The following ST6GAL2 variants were observed in gnomAD, a reference collection of about 807,000 sequenced individuals.
ST6GAL2 encodes the protein beta-galactoside alpha-2,6-sialyltransferase 2.
Under a neutral mutation model 37.5 loss-of-function variants are expected in ST6GAL2, and 24 were observed. That is an observed-to-expected ratio of 0.64 (90% CI 0.46 to 0.90). The LOEUF (loss-of-function observed/expected upper bound fraction) is 0.90. Ranked by LOEUF, ST6GAL2 falls within the 40% of genes least tolerant of loss-of-function variation. ST6GAL2 has a pLI of 0.00. For missense variants in ST6GAL2, 715 were observed against 712.7 expected (o/e 1.00, Z -0.04); for synonymous variants, 306 against 295.1 (o/e 1.04, Z -0.38).
chr2:106,863,888 G>A (rs1677912174), intron 1 of ST6GAL2, among the ~76,000 whole-genome samples: 1 of 152,172 alleles, frequency 6.6e-6, no homozygotes, highest in South Asian at 2.1e-4. Flanking sequence ...TATTATTTCT[G>A]GAAGTGTGGT....
rs188732112 is a variant in ST6GAL2, at chr2:106,826,361, G to A, written c.1318+3705C>T. Reference sequence around the variant, plus strand: ...TGGCACTTCACATGTTGAAAGCAGGGGCAAGAGACAGAGTGGGCGGGAGGT... The same window carrying A: ...TGGCACTTCACATGTTGAAAGCAGGAGCAAGAGACAGAGTGGGCGGGAGGT... On this transcript the variant is annotated intron_variant, in intron 5 of 5. Coordinates refer to ENST00000409382, the MANE Select transcript of ST6GAL2 (RefSeq NM_001142351.2). 4.9e-3 allele frequency among the ~76,000 whole-genome samples: 738 copies of A among 152,068 alleles called. 9 individuals carry two copies. Among genetic ancestry groups the A allele is most frequent in the African/African-American group, 0.016 (656 of 41,488 alleles).
Position 106,843,816 on chromosome 2 carries a change from C to A in ST6GAL2, c.162G>T (p.Val54=), listed in dbSNP as rs1281118794. Residue 54 remains valine (V), a synonymous_variant, in exon 2 of 6, where the codon GTG becomes GTT. Transcript: ENST00000409382. ...CCATGATGGCCCGCTGCTTCCCCTG[C>A]ACCGGCAGGAGCCTCCTGGTCTCCA... The part of the protein sequence containing the change: ...SFLETRRLLP[V]QGKQRAIMGA... 1.2e-6 allele frequency: 2 copies of A among 1,611,828 alleles called. No homozygotes were observed. Among genetic ancestry groups the A allele is most frequent in the Admixed American group, 1.7e-5 (1 of 59,948 alleles).
chr2:106,855,342 G>A (rs191497887), intron 1 of ST6GAL2, among the ~76,000 whole-genome samples: 6 of 152,190 alleles, frequency 3.9e-5, no homozygotes, highest in Non-Finnish European at 7.3e-5. Context: ...GGTGTTTTAC[G>A]TGGTAAGAGC....
intron 1 of ST6GAL2, among the ~76,000 whole-genome samples, chr2:106,875,508 CT>C (rs1236847436): frequency 6.6e-6 from 1 of 152,130 alleles, no homozygotes; most frequent in Non-Finnish European, 1.5e-5. Flanking sequence ...TTCCTTTGAA[CT>C]TTAGTTTTTG....
intron 2 of ST6GAL2, 93 bp downstream of exon 2, chr2:106,842,942 C>G: frequency 2.1e-6 from 2 of 956,420 alleles, no homozygotes; most frequent in Non-Finnish European, 2.8e-6. Context: ...CAGCTTGCCC[C>G]GTCAGAGATC....
chr2:106,883,020 C>CAACTG (rs1678816055), intron 1 of ST6GAL2, among the ~76,000 whole-genome samples: 1 of 152,220 alleles, frequency 6.6e-6, no homozygotes, highest in South Asian at 2.1e-4. Context: ...ATAATAGTCA[C>CAACTG]AACTGCTGGG....
chr2:106,845,859 C>T (rs926828777), intron 1 of ST6GAL2, among the ~76,000 whole-genome samples: 11 of 152,146 alleles, frequency 7.2e-5, no homozygotes, highest in Non-Finnish European at 1.6e-4. Flanking sequence ...GATACTATGC[C>T]AGTTACCAGG....
intron 1 of ST6GAL2, among the ~76,000 whole-genome samples, chr2:106,884,603 G>A (rs1678883413): frequency 6.6e-6 from 1 of 152,090 alleles, no homozygotes; most frequent in Non-Finnish European, 1.5e-5. Context: ...AAGCAAAAAT[G>A]TAAGATGCTA....
intron 5 of ST6GAL2, among the ~76,000 whole-genome samples, chr2:106,807,949 A>G (rs928304681): frequency 3.3e-5 from 5 of 152,012 alleles, no homozygotes; most frequent in Admixed American, 1.3e-4. Context: ...CTTTATCTAG[A>G]CTAATGGCTT....
chr2:106,854,316 C>T (rs1677486136), intron 1 of ST6GAL2, among the ~76,000 whole-genome samples: 1 of 152,208 alleles, frequency 6.6e-6, no homozygotes, highest in African/African-American at 2.4e-5. Flanking sequence ...GCCTCAGTTT[C>T]ATCAAATGTG....
chr2:106,868,396 C>G (rs10206678), intron 1 of ST6GAL2, among the ~76,000 whole-genome samples: 104,686 of 152,044 alleles, frequency 0.69, 36,431 homozygotes, highest in Non-Finnish European at 0.75. Context: ...CCCTCTACAG[C>G]TTACAAAGTG....
At chr2:106,850,032 C>G (rs1677294025) in intron 1 of ST6GAL2, among the ~76,000 whole-genome samples, 1 of 152,204 alleles carries the variant, frequency 6.6e-6, no homozygotes, top group African/African-American at 2.4e-5. Context: ...GACCATAAGC[C>G]TGGGCCATGG....
intron 3 of ST6GAL2, 78 bp downstream of exon 3, chr2:106,833,971 C>G: frequency 9.6e-7 from 1 of 1,040,590 alleles, no homozygotes; most frequent in East Asian, 2.5e-5. Flanking sequence ...TTCACTCATC[C>G]GGTTAAACTC....
At chr2:106,830,341 C>G (rs1676372061) in intron 4 of ST6GAL2, 101 bp from the exon 5 acceptor site, 2 of 916,050 alleles carry the variant, frequency 2.2e-6, no homozygotes, top group South Asian at 3.1e-5. Flanking sequence ...CAGGCTGGGG[C>G]TAGAGGATGG....
At chr2:106,869,599 C>A (rs1474523439) in intron 1 of ST6GAL2, among the ~76,000 whole-genome samples, 6 of 152,116 alleles carry the variant, frequency 3.9e-5, no homozygotes, top group Non-Finnish European at 7.4e-5. Flanking sequence ...GCTCTCTGGG[C>A]AGAAGCAGGG....
intron 5 of ST6GAL2, among the ~76,000 whole-genome samples, chr2:106,824,079 T>C (rs941396712): frequency 6.6e-6 from 1 of 152,178 alleles, no homozygotes; most frequent in African/African-American, 2.4e-5. Context: ...CTGCAATCAA[T>C]GACAGTTGGA....
chr2:106,848,350 A>G (rs1327021004), intron 1 of ST6GAL2, among the ~76,000 whole-genome samples: 1 of 152,244 alleles, frequency 6.6e-6, no homozygotes. Flanking sequence ...GATTTAAAAG[A>G]CAGTCTTTTT....
chr2:106,870,393 C>T lies in ST6GAL2; in HGVS notation c.-58+15700G>A, dbSNP rs72933050. On this transcript the variant is annotated intron_variant, in intron 1 of 5. Transcript: ENST00000409382. The stretch of plus-strand genomic sequence containing the variant: ...TAGTCATGAAATGTAAACAGGTAAA[C>T]CCAGGCCACTTCTTCTTGTTAGATC... Among the ~76,000 whole-genome samples the T allele has an allele frequency of 4.0e-3, 616 of 152,254 alleles. 1 individual carries two copies. Among genetic ancestry groups the T allele is most frequent in the African/African-American group, 0.014 (598 of 41,546 alleles).
chr2:106,849,646 G>A (rs1200893828), intron 1 of ST6GAL2, among the ~76,000 whole-genome samples: 1 of 152,110 alleles, frequency 6.6e-6, no homozygotes, highest in African/African-American at 2.4e-5. Flanking sequence ...GAGATTAAAT[G>A]TGAGTGTAAC....
Sources: allele counts gnomAD v4.1 joint callset (sites outside exome capture counted in the v4.1 genomes callset), GRCh38; gene constraint gnomAD v4.1.1; transcripts MANE v1.5; gene names NCBI Gene and HGNC (gene_info 2026-07-23, HGNC 2026-07-21).